SHANK2: variants seen among roughly 807,000 people sequenced by gnomAD.
SHANK2 encodes SH3 and multiple ankyrin repeat domains protein 2.
A neutral mutation model predicts 133.7 loss-of-function variants in SHANK2; 43 were observed. The observed-to-expected ratio is 0.32, with a 90% CI of 0.25 to 0.41. The LOEUF (loss-of-function observed/expected upper bound fraction) is 0.41, where lower values mean the gene tolerates loss of function less well. Ranked by LOEUF, SHANK2 falls within the 10% of genes least tolerant of loss-of-function variation. The pLI is 1.00. For synonymous variants in SHANK2, 1,017 were observed against 952.8 expected (o/e 1.07, Z -1.24); for missense variants, 1,994 against 2,235.8 (o/e 0.89, Z 2.18).
At chr11:70,852,204 T>C (rs1949096879) in intron 11 of SHANK2, among the ~76,000 whole-genome samples, 1 of 152,210 alleles carries the variant, frequency 6.6e-6, no homozygotes, top group African/African-American at 2.4e-5. Context: ...CTCATCCTGC[T>C]GTTTCCAAAG....
chr11:70,860,819 A>C (rs3019837), intron 11 of SHANK2, among the ~76,000 whole-genome samples: 1 of 152,110 alleles, frequency 6.6e-6, no homozygotes, highest in South Asian at 2.1e-4. Context: ...CCAGGTGTTC[A>C]AGACCAACCT....
At chr11:71,221,794 C>G (rs1354492779) in intron 2 of SHANK2, among the ~76,000 whole-genome samples, 2 of 152,082 alleles carry the variant, frequency 1.3e-5, no homozygotes, top group Admixed American at 1.3e-4. Context: ...GGTTAGAAAC[C>G]CAGGATGTCT....
intron 17 of SHANK2, among the ~76,000 whole-genome samples, chr11:70,641,801 G>A (rs2061187158): frequency 6.6e-6 from 1 of 152,182 alleles, no homozygotes; most frequent in Admixed American, 6.5e-5. Context: ...TGCGGGCACG[G>A]ACACACAATG....
chr11:70,827,823 C>T (rs552367710), intron 11 of SHANK2, among the ~76,000 whole-genome samples: 17 of 151,900 alleles, frequency 1.1e-4, no homozygotes, highest in Admixed American at 5.2e-4. Context: ...ATAAAAATGG[C>T]GGTGTGAGAA....
intron 17 of SHANK2, chr11:70,566,375 C>A (rs1565135619): frequency 6.6e-6 from 1 of 152,176 alleles, no homozygotes; most frequent in East Asian, 1.9e-4. Context: ...GACTTTACAC[C>A]ACCTCACTTC....
intron 1 of SHANK2, among the ~76,000 whole-genome samples, chr11:71,238,381 C>A (rs1954849206): frequency 6.6e-6 from 1 of 152,244 alleles, no homozygotes; most frequent in Admixed American, 6.5e-5. Context: ...CTCAGCTTTA[C>A]ATAAATTACC....
intron 11 of SHANK2, among the ~76,000 whole-genome samples, chr11:70,836,844 C>T (rs1555060175): frequency 1.3e-5 from 2 of 152,190 alleles, no homozygotes; most frequent in Non-Finnish European, 2.9e-5. Flanking sequence ...GTGTTGAAAC[C>T]CTAACCTCCC....
At chr11:70,598,659 A>G (rs186850989) in intron 17 of SHANK2, among the ~76,000 whole-genome samples, 1 of 152,354 alleles carries the variant, frequency 6.6e-6, no homozygotes, top group East Asian at 1.9e-4. Context: ...TTGGATGCAA[A>G]AATCCTAAAC....
At chr11:71,060,984 G>A (rs1950980199) in intron 9 of SHANK2, among the ~76,000 whole-genome samples, 1 of 152,198 alleles carries the variant, frequency 6.6e-6, no homozygotes, top group Non-Finnish European at 1.5e-5. Flanking sequence ...AATATGTAAG[G>A]GAATTTTCAG....
intron 17 of SHANK2, among the ~76,000 whole-genome samples, chr11:70,616,605 C>T (rs1554996031): frequency 6.6e-6 from 1 of 152,180 alleles, no homozygotes; most frequent in African/African-American, 2.4e-5. Context: ...CCCTGGTGCC[C>T]AGTGCTGGGT....
chr11:71,173,520 T>C (rs1358939685), intron 2 of SHANK2, among the ~76,000 whole-genome samples: 2 of 152,246 alleles, frequency 1.3e-5, no homozygotes, highest in Non-Finnish European at 2.9e-5. Flanking sequence ...ACCAGGCGAA[T>C]GTCCCCTTCG....
chr11:71,213,799 T>C (rs531614681), intron 2 of SHANK2, among the ~76,000 whole-genome samples: 143 of 152,266 alleles, frequency 9.4e-4, no homozygotes, highest in African/African-American at 2.9e-3. Flanking sequence ...ACTGGACTAA[T>C]CATGTCTTCT....
In SHANK2 at chr11:70,500,728, A is replaced by T; in HGVS notation, c.2288-138T>A. On this transcript the variant is annotated intron_variant, in intron 20 of 25. Coordinates refer to ENST00000601538, the MANE Select transcript of SHANK2 (RefSeq NM_012309.5). The surrounding 1 kb of genome is among the most constrained non-coding windows in gnomAD (Gnocchi z 4.5). ...GGGGCGGCAGGCAGGGGCTGTCTGG[A>T]ACGCTGCGAACGCAGGCTGCGCTAT... is the stretch of plus-strand genomic sequence containing the variant. The T allele has an allele frequency of 9.0e-7, 1 of 1,105,684 alleles. No individual in the cohort carries two copies. The highest frequency in any genetic ancestry group is 1.4e-6 in the Non-Finnish European group (1 of 739,912). 68.5% of individuals were successfully genotyped at this position (1,105,684 alleles called of 1,614,324 possible). A position where few individuals can be genotyped will look rare whatever the true frequency, so the allele number is the denominator to read the frequency against.
chr11:70,566,606 G>A (rs1158802907), intron 17 of SHANK2: 1 of 152,216 alleles, frequency 6.6e-6, no homozygotes, highest in Non-Finnish European at 1.5e-5. Flanking sequence ...CAATTGACAA[G>A]ATATGGGTGA....
chr11:70,496,989 C>T, intron 21 of SHANK2: 1 of 456,730 alleles, frequency 2.2e-6, no homozygotes, highest in Non-Finnish European at 4.4e-6. Context: ...TGTTTTAAAC[C>T]TTTCCCTTCC....
intron 10 of SHANK2, among the ~76,000 whole-genome samples, chr11:70,919,163 T>C (rs369607092): frequency 8.2e-4 from 124 of 152,058 alleles, no homozygotes; most frequent in African/African-American, 2.8e-3. Context: ...CAAGACCCTG[T>C]CTCAAAAAAA....
intron 12 of SHANK2, among the ~76,000 whole-genome samples, chr11:70,811,231 A>C (rs1304102316): frequency 6.6e-6 from 1 of 152,226 alleles, no homozygotes; most frequent in East Asian, 1.9e-4. Flanking sequence ...GGTGAGCCAC[A>C]GAGCAGGAGT....
chr11:71,189,934 C>T (rs1295143071), intron 2 of SHANK2, among the ~76,000 whole-genome samples: 9 of 152,240 alleles, frequency 5.9e-5, no homozygotes, highest in Non-Finnish European at 1.3e-4. Context: ...TAGGACAAGA[C>T]GGGCACAGTA....
chr11:70,635,933 G>T (rs533029205), intron 17 of SHANK2, among the ~76,000 whole-genome samples: 33 of 152,356 alleles, frequency 2.2e-4, no homozygotes, highest in Admixed American at 2.2e-3. Flanking sequence ...CGTAGGGCAT[G>T]AGGCCCGCCC....
Sources: allele counts gnomAD v4.1 joint callset (sites outside exome capture counted in the v4.1 genomes callset), GRCh38; gene constraint gnomAD v4.1.1; non-coding constraint Gnocchi (gnomAD v3.1); transcripts MANE v1.5; gene names NCBI Gene and HGNC (gene_info 2026-07-23, HGNC 2026-07-21).